GULP1: variants seen among roughly 807,000 people sequenced by gnomAD.
GULP1 encodes the protein GULP PTB domain containing engulfment adaptor 1, also known as PTB domain-containing engulfment adapter protein 1.
GULP1 carries 19 observed loss-of-function variants against 40.9 expected under a neutral mutation model. The ratio of observed to expected loss-of-function variants is 0.46; its 90% confidence interval spans 0.32 to 0.68. The LOEUF is 0.68. GULP1 is among the 30% of genes least tolerant of loss of function. GULP1 has a pLI of 0.03. For missense variants in GULP1, 312 were observed against 362.2 expected, an observed-to-expected ratio of 0.86 and a Z score of 1.12; for synonymous variants, 119 against 117.6, an observed-to-expected ratio of 1.01 and a Z score of -0.08.
intron 2 of GULP1, among the ~76,000 whole-genome samples, chr2:188,458,605 A>G (rs2059457136): frequency 6.6e-6 from 1 of 152,172 alleles, no homozygotes; most frequent in African/African-American, 2.4e-5. Context: ...TAATACAGAC[A>G]TGCAATGCAT....
At chr2:188,324,194 C>G (rs1411012607) in intron 1 of GULP1, among the ~76,000 whole-genome samples, 2 of 152,072 alleles carry the variant, frequency 1.3e-5, no homozygotes, top group Admixed American at 1.3e-4. Flanking sequence ...AACCCTCATG[C>G]TACTCATGCA....
chr2:188,317,889 A>G (rs2039362414), intron 1 of GULP1, among the ~76,000 whole-genome samples: 1 of 152,056 alleles, frequency 6.6e-6, no homozygotes, highest in South Asian at 2.1e-4. Flanking sequence ...CTATAGTTCC[A>G]TAAGTAGATT....
intron 4 of GULP1, among the ~76,000 whole-genome samples, chr2:188,490,168 C>A (rs1173983027): frequency 6.6e-6 from 1 of 151,922 alleles, no homozygotes; most frequent in South Asian, 2.1e-4. Context: ...TTGAAAAGGA[C>A]TTTAGTATTC....
chr2:188,429,398 G>C (rs1039631108), intron 2 of GULP1, among the ~76,000 whole-genome samples: 29 of 152,008 alleles, frequency 1.9e-4, no homozygotes, highest in African/African-American at 7.0e-4. Flanking sequence ...TCCTTGGGAG[G>C]CTGAGTTATG....
chr2:188,537,986 A>G (rs565553768), intron 6 of GULP1, among the ~76,000 whole-genome samples: 1 of 152,006 alleles, frequency 6.6e-6, no homozygotes, highest in African/African-American at 2.4e-5. Context: ...GGTGTTCGTA[A>G]TAGTCTCTGA....
chr2:188,464,710 A>G (rs2059975714), intron 2 of GULP1, among the ~76,000 whole-genome samples: 1 of 152,124 alleles, frequency 6.6e-6, no homozygotes, highest in Non-Finnish European at 1.5e-5. Context: ...TAAGCTGGCA[A>G]CTCAAATAAG....
At chr2:188,568,097 G>T (rs1379646166) in intron 7 of GULP1, among the ~76,000 whole-genome samples, 1 of 151,624 alleles carries the variant, frequency 6.6e-6, no homozygotes, top group Admixed American at 6.6e-5. Context: ...AGTTAACTAG[G>T]TTAAATACTA....
At chr2:188,296,181 A>T (rs1307728647) in intron 1 of GULP1, among the ~76,000 whole-genome samples, 1 of 152,104 alleles carries the variant, frequency 6.6e-6, no homozygotes, top group Admixed American at 6.5e-5. Context: ...GCTTTTTCCC[A>T]TAAGAGCATA....
At chr2:188,367,508 T>A (rs1319971879) in intron 1 of GULP1, among the ~76,000 whole-genome samples, 2 of 152,194 alleles carry the variant, frequency 1.3e-5, no homozygotes, top group Non-Finnish European at 2.9e-5. Flanking sequence ...ATTTAATATG[T>A]AGACACCTGG....
chr2:188,335,128 C>G (rs1218720670), intron 1 of GULP1, among the ~76,000 whole-genome samples: 2 of 152,124 alleles, frequency 1.3e-5, no homozygotes, highest in Non-Finnish European at 2.9e-5. Flanking sequence ...TTTGATATAT[C>G]ATAAACTGTA....
chr2:188,457,783 ATTC>A (rs1220329870), intron 2 of GULP1, among the ~76,000 whole-genome samples: 2 of 152,152 alleles, frequency 1.3e-5, no homozygotes, highest in East Asian at 1.9e-4. Context: ...ATGACTATGC[ATTC>A]TTCTACTTAA....
intron 4 of GULP1, among the ~76,000 whole-genome samples, chr2:188,499,021 G>A (rs562263940): frequency 1.9e-4 from 28 of 149,806 alleles, no homozygotes; most frequent in Non-Finnish European, 3.7e-4. Context: ...TTTTATCCAA[G>A]GATTTTAATC....
intron 9 of GULP1, among the ~76,000 whole-genome samples, chr2:188,573,352 A>G (rs1252972315): frequency 1.3e-5 from 2 of 152,204 alleles, no homozygotes; most frequent in East Asian, 1.9e-4. Context: ...GTTACCTGCA[A>G]TTATTTTTGA....
At chr2:188,528,513 A>G (rs1024010481) in intron 5 of GULP1, among the ~76,000 whole-genome samples, 1 of 152,172 alleles carries the variant, frequency 6.6e-6, no homozygotes, top group East Asian at 1.9e-4. Context: ...GAAAAAAAAA[A>G]CTGTGCTTTC....
At chr2:188,416,818 C>T (rs1226399872) in intron 2 of GULP1, among the ~76,000 whole-genome samples, 1 of 152,160 alleles carries the variant, frequency 6.6e-6, no homozygotes, top group Non-Finnish European at 1.5e-5. Flanking sequence ...AAAACACTTA[C>T]TGAGTTTAAT....
chr2:188,513,164 T>TA (rs1251074571), intron 4 of GULP1, among the ~76,000 whole-genome samples: 5 of 152,154 alleles, frequency 3.3e-5, no homozygotes, highest in Non-Finnish European at 7.4e-5. Context: ...AGAGTCTTTA[T>TA]AGAAGATTTA....
chr2:188,377,043 A>G (rs2048380220), intron 1 of GULP1, among the ~76,000 whole-genome samples: 1 of 151,968 alleles, frequency 6.6e-6, no homozygotes, highest in African/African-American at 2.4e-5. Flanking sequence ...GTGGTGGCAC[A>G]TGCCTGTAGT....
intron 1 of GULP1, among the ~76,000 whole-genome samples, chr2:188,370,747 G>T (rs768431447): frequency 9.9e-5 from 15 of 152,184 alleles, no homozygotes; most frequent in Admixed American, 1.3e-4. Context: ...TAACACTCAA[G>T]AAATTACACA....
intron 2 of GULP1, among the ~76,000 whole-genome samples, chr2:188,423,826 CT>C (rs1348279400): frequency 6.6e-6 from 1 of 151,604 alleles, no homozygotes; most frequent in Non-Finnish European, 1.5e-5. Context: ...CTCTCATCTG[CT>C]TCTAGAAAAT....
Sources: gnomAD v4.1 joint callset for allele counts (sites outside exome capture counted in the v4.1 genomes callset) on GRCh38, gnomAD v4.1.1 for gene constraint, MANE v1.5 for transcripts, NCBI Gene and HGNC (gene_info 2026-07-23, HGNC 2026-07-21) for gene names.